Variants in GRM1 observed in about 807,000 individuals in gnomAD.
GRM1 encodes the protein metabotropic glutamate receptor 1.
A neutral mutation model predicts 90.9 loss-of-function variants in GRM1; 33 were observed. The ratio of observed to expected loss-of-function variants is 0.36; its 90% confidence interval spans 0.28 to 0.49. The LOEUF is 0.49. GRM1 is among the 20% of genes least tolerant of loss of function. GRM1 has a pLI of 0.99. For synonymous variants in GRM1, 700 were observed against 613.2 expected (o/e 1.14, Z -2.09); for missense variants, 1,190 against 1,534.3 (o/e 0.78, Z 3.75).
chr6:146,118,243 C>G (rs1775841288), intron 1 of GRM1, among the ~76,000 whole-genome samples: 1 of 150,736 alleles, frequency 6.6e-6, no homozygotes. Flanking sequence ...GGGTTCACGC[C>G]ATTCTCCTGC....
chr6:146,068,871 A>G (rs1254285607), intron 1 of GRM1, among the ~76,000 whole-genome samples: 1 of 152,182 alleles, frequency 6.6e-6, no homozygotes, highest in African/African-American at 2.4e-5. Context: ...TAATCCAACA[A>G]TCCTTGAACA....
At chr6:146,282,689 AG>A (rs1420660420) in intron 2 of GRM1, among the ~76,000 whole-genome samples, 3 of 152,210 alleles carry the variant, frequency 2.0e-5, no homozygotes, top group African/African-American at 4.8e-5. Flanking sequence ...TCCCTTATTA[AG>A]AAAAATATTA....
chr6:146,110,564 G>A (rs1197644317), intron 1 of GRM1, among the ~76,000 whole-genome samples: 1 of 152,158 alleles, frequency 6.6e-6, no homozygotes, highest in Non-Finnish European at 1.5e-5. Context: ...GATGGCATGT[G>A]GCTTCCCATC....
intron 2 of GRM1, among the ~76,000 whole-genome samples, chr6:146,252,333 A>G (rs1781320421): frequency 6.6e-6 from 1 of 152,220 alleles, no homozygotes; most frequent in Admixed American, 6.5e-5. Flanking sequence ...TGACATCAAA[A>G]CTAGGGTTTT....
intron 1 of GRM1, among the ~76,000 whole-genome samples, chr6:146,088,074 C>T (rs532974867): frequency 3.9e-5 from 6 of 152,088 alleles, no homozygotes; most frequent in South Asian, 2.1e-4. Flanking sequence ...ATGAATGATA[C>T]GTTTTCTCTA....
At chr6:146,293,078 A>G (rs976933879) in intron 2 of GRM1, among the ~76,000 whole-genome samples, 1 of 152,034 alleles carries the variant, frequency 6.6e-6, no homozygotes, top group Non-Finnish European at 1.5e-5. Flanking sequence ...GTAAATCTAT[A>G]GAGATAAAAA....
chr6:146,162,919 A>G (rs535900875), intron 2 of GRM1, among the ~76,000 whole-genome samples: 8 of 152,080 alleles, frequency 5.3e-5, no homozygotes, highest in African/African-American at 1.4e-4. Context: ...CTTGGAGCCT[A>G]TTTTTTTCTA....
At chr6:146,385,434 C>G (rs1204115234) in intron 5 of GRM1, among the ~76,000 whole-genome samples, 1 of 151,756 alleles carries the variant, frequency 6.6e-6, no homozygotes, top group Non-Finnish European at 1.5e-5. Flanking sequence ...TATATACGGT[C>G]AACTTAAACT....
At chr6:146,131,948 T>G (rs149053662) in intron 1 of GRM1, among the ~76,000 whole-genome samples, 1 of 152,158 alleles carries the variant, frequency 6.6e-6, no homozygotes, top group Admixed American at 6.5e-5. Flanking sequence ...AGCTGAAACC[T>G]GGATGATGAA....
At chr6:146,263,919 G>A (rs926032929) in intron 2 of GRM1, among the ~76,000 whole-genome samples, 1 of 152,064 alleles carries the variant, frequency 6.6e-6, no homozygotes, top group Non-Finnish European at 1.5e-5. Context: ...GTCTTTTACT[G>A]TTGGCAATAT....
At chr6:146,043,796 T>TAGAGAGAGAGAGAGAG (rs1554260532) in intron 1 of GRM1, among the ~76,000 whole-genome samples, 1 of 137,940 alleles carries the variant, frequency 7.2e-6, no homozygotes, top group African/African-American at 2.6e-5. Flanking sequence ...TATATATATA[T>TAGAGAGAGAGAGAGAG]ATATATATAT....
chr6:146,424,275 C>T lies in GRM1; in HGVS notation c.2661-9597C>T, dbSNP rs140226061. 7.9e-4 allele frequency among the ~76,000 whole-genome samples: 121 copies of T among 152,322 alleles called. 1 individual carries two copies. The highest frequency in any genetic ancestry group is 2.6e-3 in the African/African-American group (108 of 41,572). ...CAGGGAGGAGACAGCCACTGCCATT[C>T]ATTGCCTTGAGATAGTACAGGGCAC... is the stretch of plus-strand genomic sequence containing the variant. On this transcript the variant is annotated intron_variant, in intron 7 of 7. Coordinates refer to ENST00000282753, the MANE Select transcript of GRM1 (RefSeq NM_001278064.2).
intron 1 of GRM1, among the ~76,000 whole-genome samples, chr6:146,120,921 G>T (rs535471743): frequency 3.3e-5 from 5 of 152,252 alleles, no homozygotes; most frequent in Non-Finnish European, 7.4e-5. Flanking sequence ...GTCTGTGCCA[G>T]GCTTTGGTAT....
chr6:146,290,546 G>C (rs925745524), intron 2 of GRM1, among the ~76,000 whole-genome samples: 10 of 152,094 alleles, frequency 6.6e-5, no homozygotes, highest in Admixed American at 6.6e-4. Flanking sequence ...TAACCATAGG[G>C]AATTATTCCC....
intron 2 of GRM1, among the ~76,000 whole-genome samples, chr6:146,196,291 ATT>A (rs35847536): frequency 2.3e-4 from 31 of 136,488 alleles, no homozygotes; most frequent in Non-Finnish European, 3.1e-4. Flanking sequence ...AGTGCAGTGG[ATT>A]TTTTTTTTTT....
chr6:146,349,073 A>ATTATTATTATTATTATTATTG (rs796562880), intron 3 of GRM1, among the ~76,000 whole-genome samples: 2 of 147,662 alleles, frequency 1.4e-5, no homozygotes, highest in South Asian at 2.1e-4. Flanking sequence ...TATTATTATT[A>ATTATTATTATTATTATTATTG]TTATTATTAT....
chr6:146,206,397 A>G (rs1185160721), intron 2 of GRM1, among the ~76,000 whole-genome samples: 1 of 152,082 alleles, frequency 6.6e-6, no homozygotes, highest in African/African-American at 2.4e-5. Flanking sequence ...TGATACTGTC[A>G]GTTGCCAGGG....
chr6:146,251,745 T>C (rs1185624261), intron 2 of GRM1, among the ~76,000 whole-genome samples: 1 of 152,232 alleles, frequency 6.6e-6, no homozygotes, highest in East Asian at 1.9e-4. Flanking sequence ...CTTCTGTCCC[T>C]TCAATGGCTT....
intron 7 of GRM1, among the ~76,000 whole-genome samples, chr6:146,433,543 TG>T: frequency 6.6e-6 from 1 of 151,672 alleles, no homozygotes; most frequent in Non-Finnish European, 1.5e-5. Context: ...TGTGTGTGTG[TG>T]TGTGTGTGTG....
Sources: allele counts gnomAD v4.1 joint callset (sites outside exome capture counted in the v4.1 genomes callset), GRCh38; gene constraint gnomAD v4.1.1; transcripts MANE v1.5; gene names NCBI Gene and HGNC (gene_info 2026-07-23, HGNC 2026-07-21).